The following HAPSTR1 variants were observed in gnomAD, a reference collection of about 807,000 sequenced individuals.
HAPSTR1 encodes the protein HUWE1 associated protein modifying stress responses, also known as HUWE1-associated protein modifying stress responses 1.
the HAPSTR1 span, chr16:9,110,069 T>C: frequency 6.6e-6 from 1 of 151,668 alleles, no homozygotes; most frequent in East Asian, 1.9e-4. Context: ...AGAATTATAG[T>C]AGACAGTGAA....
At chr16:9,092,753 C>T in the HAPSTR1 span, among the ~76,000 whole-genome samples, 6 of 152,094 alleles carry the variant, frequency 3.9e-5, no homozygotes, top group Admixed American at 2.6e-4. Context: ...CCCCCCCGGT[C>T]CTCACACTGG....
the HAPSTR1 span, among the ~76,000 whole-genome samples, chr16:9,096,568 ATG>A: frequency 6.6e-6 from 1 of 152,186 alleles, no homozygotes; most frequent in African/African-American, 2.4e-5. Context: ...ATAACTGTAA[ATG>A]TGTGGGCCAA....
chr16:9,117,003 TC>T, the HAPSTR1 span: 2 of 1,537,160 alleles, frequency 1.3e-6, no homozygotes, highest in Non-Finnish European at 8.8e-7. Context: ...GAGGCCATCT[TC>T]CCTTGTTCAC....
the HAPSTR1 span, among the ~76,000 whole-genome samples, chr16:9,093,708 G>A: frequency 6.6e-6 from 1 of 152,122 alleles, no homozygotes; most frequent in Non-Finnish European, 1.5e-5. Flanking sequence ...GTTCCTTTCT[G>A]GAGTTAATCC....
the HAPSTR1 span, chr16:9,091,987 G>A: frequency 4.4e-6 from 6 of 1,357,756 alleles, no homozygotes; most frequent in Admixed American, 9.8e-5. Context: ...TCCCGCGGGG[G>A]CCCCGCCTGA....
At chr16:9,119,244 C>A in the HAPSTR1 span, 2 of 152,204 alleles carry the variant, frequency 1.3e-5, no homozygotes, top group African/African-American at 4.8e-5. Context: ...TCAGGAAAAA[C>A]TTCTGACAGC....
the HAPSTR1 span, among the ~76,000 whole-genome samples, chr16:9,113,830 A>G: frequency 6.6e-6 from 1 of 152,180 alleles, no homozygotes; most frequent in Middle Eastern, 3.2e-3. Context: ...AAAGCCAACA[A>G]TGGGGATAAT....
chr16:9,110,514 A>G, the HAPSTR1 span: 1 of 152,204 alleles, frequency 6.6e-6, no homozygotes, highest in African/African-American at 2.4e-5. Flanking sequence ...GGCCCTATGC[A>G]TGCCAGAGTG....
chr16:9,111,407 G>T, the HAPSTR1 span: 1 of 152,156 alleles, frequency 6.6e-6, no homozygotes, highest in African/African-American at 2.4e-5. Flanking sequence ...GTGAAGTCTG[G>T]AATTTGTAAA....
the HAPSTR1 span, chr16:9,107,468 T>TAATG: frequency 1.3e-5 from 2 of 152,312 alleles, no homozygotes; most frequent in African/African-American, 4.8e-5. Flanking sequence ...GCTCTTGGCC[T>TAATG]AATGTTTCAG....
At chr16:9,107,939 TTATCACAGAGGTCTGC>T in the HAPSTR1 span, 2 of 151,584 alleles carry the variant, frequency 1.3e-5, no homozygotes, top group African/African-American at 4.9e-5. Flanking sequence ...ACCACTGGGG[TTATCACAGAGGTCTGC>T]TAAGTGAATA....
At chr16:9,108,861 C>G in the HAPSTR1 span, 1 of 152,122 alleles carries the variant, frequency 6.6e-6, no homozygotes, top group Admixed American at 6.5e-5. Context: ...AATGAGAACC[C>G]AGGCAGGTTA....
the HAPSTR1 span, among the ~76,000 whole-genome samples, chr16:9,096,079 C>G: frequency 2.0e-5 from 3 of 152,268 alleles, no homozygotes; most frequent in South Asian, 2.1e-4. Context: ...GAGTTCAGAT[C>G]TTGGCTCTGT....
At chr16:9,117,818 A>G in the HAPSTR1 span, 1 of 152,622 alleles carries the variant, frequency 6.6e-6, no homozygotes. Context: ...TTTCTAGTCT[A>G]TCATTTTACA....
At chr16:9,093,086 G>T in the HAPSTR1 span, 2 of 1,316,522 alleles carry the variant, frequency 1.5e-6, no homozygotes, top group Non-Finnish European at 1.1e-6. Flanking sequence ...TGTGTTTTCT[G>T]CTCCCCAGCC....
the HAPSTR1 span, among the ~76,000 whole-genome samples, chr16:9,115,208 T>C: frequency 2.6e-5 from 4 of 152,318 alleles, no homozygotes; most frequent in African/African-American, 7.2e-5. Context: ...GGGAATGTAA[T>C]AGATTTGTGA....
At chr16:9,111,012 T>TGGG in the HAPSTR1 span, 2 of 152,074 alleles carry the variant, frequency 1.3e-5, no homozygotes, top group African/African-American at 4.8e-5. Flanking sequence ...CACTCCAGCC[T>TGGG]GGGCAACAAG....
chr16:9,111,420 A>G, the HAPSTR1 span: 2 of 152,268 alleles, frequency 1.3e-5, no homozygotes, highest in African/African-American at 4.8e-5. Flanking sequence ...TTTGTAAATT[A>G]TGTCCCTTTG....
the HAPSTR1 span, chr16:9,110,566 C>G: frequency 6.6e-6 from 1 of 152,174 alleles, no homozygotes; most frequent in African/African-American, 2.4e-5. Context: ...GAACAAATCA[C>G]TCCTGATAAA....
Sources: allele counts gnomAD v4.1 joint callset (sites outside exome capture counted in the v4.1 genomes callset), GRCh38; gene constraint gnomAD v4.1.1; transcripts MANE v1.5; gene names NCBI Gene and HGNC (gene_info 2026-07-23, HGNC 2026-07-21).